RUNX1T1: variants seen among roughly 807,000 people sequenced by gnomAD.
The protein encoded by RUNX1T1 is protein CBFA2T1.
Under a neutral mutation model 62.8 loss-of-function variants are expected in RUNX1T1, and 4 were observed. That is an observed-to-expected ratio of 0.06 (90% confidence interval 0.03 to 0.15). RUNX1T1 has a LOEUF of 0.15. Ranked by LOEUF, RUNX1T1 falls within the 10% of genes least tolerant of loss-of-function variation. The pLI is 1.00. For synonymous variants in RUNX1T1, 291 were observed against 286.0 expected, an observed-to-expected ratio of 1.02 and a Z score of -0.18; for missense variants, 508 against 754.3, an observed-to-expected ratio of 0.67 and a Z score of 3.82.
intron 1 of RUNX1T1, among the ~76,000 whole-genome samples, chr8:92,046,504 C>T (rs750957573): frequency 6.6e-6 from 1 of 152,138 alleles, no homozygotes; most frequent in Non-Finnish European, 1.5e-5. Context: ...ACTGGCACTA[C>T]AGGCCTGTAC....
chr8:91,963,221 G>A (rs973135598), intron 10 of RUNX1T1, among the ~76,000 whole-genome samples: 2 of 152,102 alleles, frequency 1.3e-5, no homozygotes, highest in South Asian at 2.1e-4. Context: ...GGTCTGGCTA[G>A]TTTTACCTCT....
At chr8:92,022,382 C>T (rs1032691398) in intron 1 of RUNX1T1, among the ~76,000 whole-genome samples, 4 of 152,162 alleles carry the variant, frequency 2.6e-5, no homozygotes, top group African/African-American at 4.8e-5. Flanking sequence ...CGTCTCACCT[C>T]ATGTCTTATC....
chr8:91,980,018 T>C (rs1425089393), intron 8 of RUNX1T1: 1 of 287,552 alleles, frequency 3.5e-6, no homozygotes, highest in African/African-American at 2.2e-5. Context: ...AATTTTATCT[T>C]TACAAATGCC....
chr8:92,046,588 T>C (rs1027906322), intron 1 of RUNX1T1, among the ~76,000 whole-genome samples: 1 of 152,098 alleles, frequency 6.6e-6, no homozygotes, highest in Non-Finnish European at 1.5e-5. Context: ...GGTCTCAAAC[T>C]TCTAGGCTCA....
intron 8 of RUNX1T1, among the ~76,000 whole-genome samples, chr8:91,981,591 A>C (rs1815288556): frequency 6.6e-6 from 1 of 150,706 alleles, no homozygotes; most frequent in Admixed American, 6.6e-5. Flanking sequence ...AATTTTTTTT[A>C]TTTTTAGCAT....
chr8:91,958,292 GA>G (rs1809667027), downstream of RUNX1T1: 1 of 199,432 alleles, frequency 5.0e-6, no homozygotes, highest in Non-Finnish European at 1.0e-5. Flanking sequence ...TTCTGGTCTG[GA>G]CCCTGGACAA....
intron 9 of RUNX1T1, among the ~76,000 whole-genome samples, chr8:91,971,658 T>C (rs1318133201): frequency 6.6e-6 from 1 of 152,242 alleles, no homozygotes; most frequent in Admixed American, 6.5e-5. Flanking sequence ...TTTTACATTT[T>C]AAGCTGTTGT....
intron 1 of RUNX1T1, among the ~76,000 whole-genome samples, chr8:92,096,302 G>A (rs1302200100): frequency 2.0e-5 from 3 of 152,132 alleles, no homozygotes; most frequent in Admixed American, 2.0e-4. Flanking sequence ...TTGGAGGTGG[G>A]AATCTGAAAT....
At chr8:92,027,803 A>C (rs1825496383) in intron 1 of RUNX1T1, among the ~76,000 whole-genome samples, 1 of 151,972 alleles carries the variant, frequency 6.6e-6, no homozygotes, top group Non-Finnish European at 1.5e-5. Flanking sequence ...AATCTATGGC[A>C]ATCGATTACT....
chr8:92,077,977 T>C (rs576368405), intron 1 of RUNX1T1, among the ~76,000 whole-genome samples: 35 of 152,176 alleles, frequency 2.3e-4, no homozygotes, highest in Non-Finnish European at 4.3e-4. Context: ...ACTTCACTTG[T>C]ATCTATTTTA....
At chr8:92,063,101 TAA>T (rs35643156), upstream of RUNX1T1, 30 of 299,656 alleles carry the variant, frequency 1.0e-4, no homozygotes, top group Non-Finnish European at 1.2e-4. Context: ...GGAACTGTAT[TAA>T]AAAAAAAAAG....
At chr8:92,071,015 T>C (rs1033693948) in intron 2 of RUNX1T1, among the ~76,000 whole-genome samples, 1 of 152,212 alleles carries the variant, frequency 6.6e-6, no homozygotes, top group Non-Finnish European at 1.5e-5. Context: ...CTTATATTCA[T>C]GGGATCTCCC....
At chr8:92,004,963 G>T in intron 5 of RUNX1T1, 153 bp downstream of exon 6, 1 of 660,822 alleles carries the variant, frequency 1.5e-6, no homozygotes, top group Non-Finnish European at 2.5e-6. Flanking sequence ...AAAATCCCAG[G>T]CCAGAGCCAG....
chr8:91,972,173 T>C (rs1812980613), intron 9 of RUNX1T1, among the ~76,000 whole-genome samples: 1 of 152,106 alleles, frequency 6.6e-6, no homozygotes, highest in Non-Finnish European at 1.5e-5. Flanking sequence ...TACTGTAGAT[T>C]AAAAATGTAA....
At chr8:92,069,446 C>T (rs909583838) in intron 2 of RUNX1T1, among the ~76,000 whole-genome samples, 1 of 152,018 alleles carries the variant, frequency 6.6e-6, no homozygotes, top group African/African-American at 2.4e-5. Context: ...ATCATATTTT[C>T]TTTCACAGGA....
chr8:92,102,448 G>GA (rs978904155), upstream of RUNX1T1, among the ~76,000 whole-genome samples: 4 of 151,120 alleles, frequency 2.6e-5, no homozygotes, highest in Middle Eastern at 3.5e-3. This position sits in a 1 kb window ranked among gnomAD's most constrained non-coding sequence, Gnocchi z 4.5. Context: ...GAAAGGAAAA[G>GA]AAAAAAACCC....
upstream of RUNX1T1, chr8:92,063,482 A>C (rs1832392927): frequency 6.6e-6 from 1 of 152,172 alleles, no homozygotes; most frequent in African/African-American, 2.4e-5. Flanking sequence ...GCACACCCCT[A>C]AATGTTTATC....
chr8:92,009,112 G>A (rs1188772266), intron 4 of RUNX1T1, among the ~76,000 whole-genome samples: 2 of 152,148 alleles, frequency 1.3e-5, no homozygotes, highest in African/African-American at 4.8e-5. Flanking sequence ...GCTTCCACAC[G>A]TGGTACTCAG....
intron 9 of RUNX1T1, among the ~76,000 whole-genome samples, chr8:91,972,517 T>C (rs1260033843): frequency 6.6e-6 from 1 of 151,992 alleles, no homozygotes; most frequent in East Asian, 1.9e-4. Flanking sequence ...CACCAGGAGG[T>C]GAAAAGATGC....
Sources: gnomAD v4.1 joint callset for allele counts (sites outside exome capture counted in the v4.1 genomes callset) on GRCh38, gnomAD v4.1.1 for gene constraint, Gnocchi (gnomAD v3.1) non-coding constraint, MANE v1.5 for transcripts, NCBI Gene and HGNC (gene_info 2026-07-23, HGNC 2026-07-21) for gene names.